KIF16B: variants seen among roughly 807,000 people sequenced by gnomAD.
KIF16B encodes kinesin-like protein KIF16B.
In KIF16B, 98 loss-of-function variants were observed where a neutral mutation model predicts 156.3. That is an observed-to-expected ratio of 0.63 (90% CI 0.53 to 0.74). KIF16B has a LOEUF of 0.74. Ranked by LOEUF, KIF16B falls within the 30% of genes least tolerant of loss-of-function variation. KIF16B has a pLI of 0.00. For synonymous variants in KIF16B, 564 were observed against 583.7 expected (o/e 0.97, Z 0.49); for missense variants, 1,421 against 1,606.5 (o/e 0.88, Z 1.97).
chr20:16,505,615 T>C (rs952748732), intron 9 of KIF16B, 107 bp downstream of exon 9: 5 of 981,544 alleles, frequency 5.1e-6, no homozygotes, highest in African/African-American at 1.7e-5. Flanking sequence ...ATTACTTTTT[T>C]AAGATGTAAA....
intron 25 of KIF16B, among the ~76,000 whole-genome samples, chr20:16,293,005 G>A (rs1433325120): frequency 6.6e-6 from 1 of 152,128 alleles, no homozygotes; most frequent in Non-Finnish European, 1.5e-5. Context: ...GAGACAGAAA[G>A]ACAAAGCAAG....
chr20:16,556,887 G>A (rs2070868717), intron 1 of KIF16B, among the ~76,000 whole-genome samples: 2 of 151,918 alleles, frequency 1.3e-5, no homozygotes, highest in Admixed American at 1.3e-4. Flanking sequence ...TTTCTTTATA[G>A]AATGTTCCCA....
Position 16,379,601 on chromosome 20 carries a change from G to A in KIF16B, c.2401C>T (p.Leu801Phe). Reference protein sequence around the residue: ...KRDLEGIRESLLRVKEARAGG... With the variant: ...KRDLEGIRESFLRVKEARAGG... ...GCACGAGCCTCCTTCACCCGCAGGA[G>A]GGATTCCCGAATGCCTTCCAGGTCC... The change falls in exon 19 of 26, where the codon CTC becomes TTC. Residue 801 changes from leucine (L) to phenylalanine (F), a missense_variant. By Grantham distance (22) the Leu-to-Phe change is conservative. Coordinates refer to ENST00000354981, the MANE Select transcript of KIF16B (RefSeq NM_024704.5). The A allele has an allele frequency of 6.2e-7, 1 of 1,614,072 alleles. No individual in the cohort carries two copies. The highest frequency in any genetic ancestry group is 8.5e-7 in the Non-Finnish European group (1 of 1,180,014).
intron 25 of KIF16B, among the ~76,000 whole-genome samples, chr20:16,277,131 T>G (rs1045298968): frequency 6.6e-6 from 1 of 152,206 alleles, no homozygotes. Flanking sequence ...ATATACTCTT[T>G]TGTGTCTGGC....
At chr20:16,396,079 A>C (rs2065492951) in intron 17 of KIF16B, among the ~76,000 whole-genome samples, 1 of 152,198 alleles carries the variant, frequency 6.6e-6, no homozygotes, top group Non-Finnish European at 1.5e-5. Context: ...TAGTTAAAAA[A>C]CAGACAACAA....
intron 3 of KIF16B, among the ~76,000 whole-genome samples, chr20:16,520,632 A>C (rs2069312952): frequency 6.6e-6 from 1 of 152,190 alleles, no homozygotes; most frequent in African/African-American, 2.4e-5. Flanking sequence ...CCTGCCTCCC[A>C]GGTCTGAAGA....
At chr20:16,439,481 C>T (rs376062670) in intron 12 of KIF16B, among the ~76,000 whole-genome samples, 14 of 152,264 alleles carry the variant, frequency 9.2e-5, no homozygotes, top group South Asian at 2.1e-4. Flanking sequence ...ACAATCACAG[C>T]GGCCTCCTCA....
chr20:16,457,033 A>G (rs986070289), intron 12 of KIF16B, among the ~76,000 whole-genome samples: 5 of 152,120 alleles, frequency 3.3e-5, no homozygotes, highest in African/African-American at 4.8e-5. Flanking sequence ...CTTTTCTCCA[A>G]TGGCTTTTAC....
In KIF16B at chr20:16,374,348, CT is replaced by C; in HGVS notation, c.3258del (p.Asp1087IlefsTer50). ...TTCCCTTCCAGGGTCCCATGATGATCTTTTTGAACACCATCGACCTCATAAA... is the reference window on the plus strand; with the variant it reads ...TTCCCTTCCAGGGTCCCATGATGATCTTTTGAACACCATCGACCTCATAAA... ...QKIYEVDGVQ[K>X]DHHGTLEGKV... On this transcript the variant is annotated frameshift_variant, in exon 20 of 26. Transcript: ENST00000354981. LOFTEE classifies it high-confidence loss of function. 6.2e-7 allele frequency: 1 copy of C among 1,606,488 alleles called. No individual in the cohort carries two copies.
chr20:16,539,150 T>TA (rs2070096868), intron 1 of KIF16B, among the ~76,000 whole-genome samples: 1 of 152,044 alleles, frequency 6.6e-6, no homozygotes, highest in South Asian at 2.1e-4. Flanking sequence ...TACCAAGCAG[T>TA]AGGGCATTGC....
chr20:16,543,597 A>G (rs974933729), intron 1 of KIF16B, among the ~76,000 whole-genome samples: 1 of 152,204 alleles, frequency 6.6e-6, no homozygotes, highest in African/African-American at 2.4e-5. Context: ...AAAATTTCAT[A>G]CATTACAAAA....
At chr20:16,464,478 T>C (rs973278491) in intron 12 of KIF16B, among the ~76,000 whole-genome samples, 2 of 152,198 alleles carry the variant, frequency 1.3e-5, no homozygotes, top group Non-Finnish European at 2.9e-5. Flanking sequence ...AGATGCATTT[T>C]AAAAAGTGAC....
At chr20:16,333,460 A>C (rs2122926642) in intron 24 of KIF16B, among the ~76,000 whole-genome samples, 1 of 152,326 alleles carries the variant, frequency 6.6e-6, no homozygotes, top group Non-Finnish European at 1.5e-5. Flanking sequence ...TCTTGTTCAC[A>C]ATGTGTTCAC....
chr20:16,429,844 C>G lies in KIF16B; in HGVS notation c.1422+19G>C. ...AAACTGGAAACAAAATTAGAATGTT[C>G]CACTTAATCAGTTTCTACCTTTAAA... On this transcript the variant is annotated intron_variant, in intron 13 of 25. Coordinates refer to ENST00000354981, the MANE Select transcript of KIF16B (RefSeq NM_024704.5). The G allele has an allele frequency of 1.3e-6, 2 of 1,595,000 alleles. No homozygotes were observed. The highest frequency in any genetic ancestry group is 1.8e-5 in the Admixed American group (1 of 56,542).
At chr20:16,280,039 C>A (rs1365074055) in intron 25 of KIF16B, among the ~76,000 whole-genome samples, 1 of 152,170 alleles carries the variant, frequency 6.6e-6, no homozygotes, top group Non-Finnish European at 1.5e-5. Context: ...TCTTGAAGGT[C>A]ATTATATTAC....
At chr20:16,428,554 A>G (rs2066420025) in intron 14 of KIF16B, among the ~76,000 whole-genome samples, 1 of 152,170 alleles carries the variant, frequency 6.6e-6, no homozygotes, top group African/African-American at 2.4e-5. Flanking sequence ...CTTTGTGAAG[A>G]CAGTGCCTAC....
At chr20:16,492,908 T>C (rs544128689) in intron 12 of KIF16B, among the ~76,000 whole-genome samples, 2 of 152,320 alleles carry the variant, frequency 1.3e-5, no homozygotes, top group African/African-American at 4.8e-5. Context: ...AAAAGTCAAA[T>C]GACTTGGGCT....
intron 17 of KIF16B, among the ~76,000 whole-genome samples, chr20:16,396,954 C>T (rs2065523105): frequency 6.6e-6 from 1 of 152,124 alleles, no homozygotes; most frequent in Admixed American, 6.6e-5. Context: ...TCAAATACAT[C>T]CATCTAAATG....
chr20:16,437,712 G>A (rs1233918496), intron 12 of KIF16B, among the ~76,000 whole-genome samples: 1 of 152,132 alleles, frequency 6.6e-6, no homozygotes, highest in African/African-American at 2.4e-5. Context: ...ATATACTTAT[G>A]TTTCCTTGTA....
Sources: allele counts gnomAD v4.1 joint callset (sites outside exome capture counted in the v4.1 genomes callset), GRCh38; gene constraint gnomAD v4.1.1; transcripts MANE v1.5; gene names NCBI Gene and HGNC (gene_info 2026-07-23, HGNC 2026-07-21).